S100A7: variants seen among roughly 807,000 people sequenced by gnomAD.
The protein encoded by S100A7 is S100 calcium binding protein A7.
Under a neutral mutation model 3.8 loss-of-function variants are expected in S100A7, and 2 were observed. The observed-to-expected ratio is 0.53, with a 90% confidence interval of 0.22 to 1.67. The LOEUF is 1.67. S100A7 is among the 40% of genes most tolerant of loss of function. S100A7 has a pLI of 0.20. For synonymous variants in S100A7, 55 were observed against 45.9 expected (o/e 1.20, Z -0.80); for missense variants, 130 against 126.3 (o/e 1.03, Z -0.14).
chr1:153,460,575 T>A (rs1663804628), intron 1 of S100A7, 33 bp downstream of exon 1: 8 of 837,920 alleles, frequency 9.5e-6, no homozygotes, highest in Non-Finnish European at 1.4e-5. Flanking sequence ...ACTGGGCACT[T>A]CTAGAAAACG....
intron 1 of S100A7, among the ~76,000 whole-genome samples, chr1:153,460,374 G>A (rs1663800408): frequency 1.3e-5 from 2 of 152,234 alleles, no homozygotes; most frequent in Non-Finnish European, 2.9e-5. Flanking sequence ...CATTTCCACA[G>A]GAGTTGCCTC....
Position 153,458,085 on chromosome 1 carries a change from T to C in S100A7, c.142-115A>G, listed in dbSNP as rs1663731830. The C allele has an allele frequency of 2.5e-6, 3 of 1,217,346 alleles. No homozygotes were observed. The Admixed American group carries it at 6.3e-5, about 26-fold the overall frequency. 75.4% of individuals were successfully genotyped at this position (1,217,346 alleles called of 1,614,324 possible). On this transcript the variant is annotated intron_variant, in intron 2 of 2. Coordinates refer to ENST00000368723, the MANE Select transcript of S100A7 (RefSeq NM_002963.4). ...AGTACCTAGATCTGCACAGGCATGG[T>C]GGCGGGGCTGAGAGCACAGGGTGAG...
chr1:153,459,483 G>A (rs563436915), intron 1 of S100A7, among the ~76,000 whole-genome samples: 5 of 152,216 alleles, frequency 3.3e-5, no homozygotes, highest in Admixed American at 6.5e-5. Flanking sequence ...GACCCTCCTC[G>A]GCTGCTTCAG....
chr1:153,458,645 C>T (rs541585685), intron 2 of S100A7, among the ~76,000 whole-genome samples: 14 of 152,268 alleles, frequency 9.2e-5, no homozygotes, highest in African/African-American at 2.4e-4. Context: ...CTGTGCACTG[C>T]CCTCAAGCTG....
Position 153,458,942 on chromosome 1 carries a change from A to G in S100A7, c.72T>C (p.Asp24=), listed in dbSNP as rs565621585. Residue 24 remains aspartate, a synonymous_variant, in exon 2 of 3, where the codon GAT becomes GAC. Coordinates refer to ENST00000368723, the MANE Select transcript of S100A7 (RefSeq NM_002963.4). ...IDMFHKYTRR[D]DKIEKPSLLT... is the part of the protein sequence containing the mutation. ...GCAGGCTTGGCTTCTCAATCTTGTC[A>G]TCACGTCTGGTGTATTTGTGAAACA... 18 of 1,614,038 alleles carry G rather than the reference A, an allele frequency of 1.1e-5. No individual in the cohort carries two copies. In the Admixed American group the frequency reaches 2.2e-4, roughly 19 times the overall value.
chr1:153,460,266 G>A (rs1157689336), intron 1 of S100A7, among the ~76,000 whole-genome samples: 2 of 152,202 alleles, frequency 1.3e-5, no homozygotes, highest in Non-Finnish European at 2.9e-5. Flanking sequence ...TGTGGAGCTG[G>A]AGCTGGGGAG....
Position 153,457,959 on chromosome 1 carries a change from G to T in S100A7, c.153C>A (p.Gly51=). The change falls in exon 3 of 3, where the codon GGC becomes GGA. Residue 51 remains glycine, a synonymous_variant. Transcript: ENST00000368723. ...CAAAGACATCGGCGAGGTAATTTGT[G>T]CCCTTTTTGTCCTGTGAAGAGAAAA... ...PNFLSACDKK[G]TNYLADVFEK... 6.2e-7 allele frequency: 1 copy of T among 1,614,044 alleles called. No homozygotes were observed. The highest frequency in any genetic ancestry group is 8.5e-7 in the Non-Finnish European group (1 of 1,179,982).
chr1:153,460,545 G>A (rs957609623), intron 1 of S100A7, 63 bp downstream of exon 1: 4 of 718,220 alleles, frequency 5.6e-6, no homozygotes, highest in South Asian at 4.4e-5. Context: ...CCTTCCTACA[G>A]GCAGCATGGC....
intron 2 of S100A7, 109 bp from the exon 3 acceptor site, chr1:153,458,079 G>A (rs1361340513): frequency 3.1e-5 from 39 of 1,266,522 alleles, no homozygotes; most frequent in Non-Finnish European, 4.2e-5. Context: ...ATCTGCACAG[G>A]CATGGTGGCG....
chr1:153,458,925 G>T lies in S100A7; in HGVS notation c.89C>A (p.Pro30Gln). Residue 30 changes from proline to glutamine, a missense_variant, in exon 2 of 3, where the codon CCA becomes CAA. Pro to Gln is a moderately conservative substitution (Grantham distance 76). Coordinates refer to ENST00000368723, the MANE Select transcript of S100A7 (RefSeq NM_002963.4). ...YTRRDDKIEKPSLLTMMKENF... is the reference protein window; with the variant it reads ...YTRRDDKIEKQSLLTMMKENF... ...CTCCTTCATCATCGTCAGCAGGCTT[G>T]GCTTCTCAATCTTGTCATCACGTCT... 6.2e-7 allele frequency: 1 copy of T among 1,613,986 alleles called. No homozygotes were observed.
At position 153,458,908 on chromosome 1, in the gene S100A7, T is replaced by C. The variant is rs375279178; in HGVS notation, c.106A>G (p.Met36Val). Residue 36 changes from methionine (M) to valine (V), a missense_variant, in exon 2 of 3, where the codon ATG becomes GTG. Physicochemically the swap from Met to Val is conservative, Grantham distance 21. Coordinates refer to ENST00000368723, the MANE Select transcript of S100A7 (RefSeq NM_002963.4). ...KIEKPSLLTM[M>V]KENFPNFLSA... ...AGGAAGTTGGGGAAGTTCTCCTTCA[T>C]CATCGTCAGCAGGCTTGGCTTCTCA... The C allele has an allele frequency of 8.1e-6, 13 of 1,613,874 alleles. No individual in the cohort carries two copies. Among genetic ancestry groups the C allele is most frequent in the African/African-American group, 1.3e-5 (1 of 74,914 alleles).
rs12217109 is a variant in S100A7 at position 153,460,592 on chromosome 1, G to A, written c.-18+16C>T. 0.1 allele frequency: 99,640 copies of A among 985,080 alleles called. 5,383 individuals are homozygous for A. Among genetic ancestry groups the A allele is most frequent in the East Asian group, 0.17 (6,399 of 38,046 alleles). The allele number at this position is 985,080 out of a possible 1,614,324, so 61.0% of individuals were successfully genotyped here. A position where few individuals can be genotyped will look rare whatever the true frequency, so the allele number is the denominator to read the frequency against. On this transcript the variant is annotated intron_variant, in intron 1 of 2. Transcript: ENST00000368723. ...TGGGCACTTCTAGAAAACGCAAAGAGGCAGGTGAGACTTACCAGAGCTGGG... is the reference window on the plus strand; with the variant it reads ...TGGGCACTTCTAGAAAACGCAAAGAAGCAGGTGAGACTTACCAGAGCTGGG...
At chr1:153,458,771 T>A in intron 2 of S100A7, 102 bp downstream of exon 2, 1 of 1,421,398 alleles carries the variant, frequency 7.0e-7, no homozygotes, top group East Asian at 2.3e-5. Context: ...TAAAGCCCTA[T>A]TTGCAAATGG....
intron 2 of S100A7, among the ~76,000 whole-genome samples, 192 bp from the exon 3 acceptor site, chr1:153,458,162 A>G (rs1663733266): frequency 6.6e-6 from 1 of 151,772 alleles, no homozygotes; most frequent in Non-Finnish European, 1.5e-5. Context: ...TTCTCTAGGG[A>G]GTCTTTTTGT....
chr1:153,458,874 C>T lies in S100A7; in HGVS notation c.140G>A (p.Cys47Tyr). The T allele has an allele frequency of 6.2e-7, 1 of 1,613,874 alleles. No homozygotes were observed. The highest frequency in any genetic ancestry group is 1.3e-5 in the African/African-American group (1 of 75,034). ...KENFPNFLSA[C>Y]DKKGTNYLAD... ...TTGAGAAGCTAGACACCGACTCACA[C>T]AGGCACTAAGGAAGTTGGGGAAGTT... The change falls in exon 2 of 3, where the codon TGT (cysteine) becomes TAT (tyrosine). Residue 47 changes from cysteine to tyrosine, a missense_variant and splice_region_variant. Transcript: ENST00000368723.
At position 153,457,834 on chromosome 1, in the gene S100A7, G is replaced by C. The variant is rs765678757; in HGVS notation, c.278C>G (p.Ala93Gly). Residue 93 changes from alanine (A) to glycine (G), a missense_variant, in exon 3 of 3, where the codon GCA becomes GGA. Coordinates refer to ENST00000368723, the MANE Select transcript of S100A7 (RefSeq NM_002963.4). ...ATDYHKQSHG[A>G]APCSGGSQ Reference sequence around the variant, plus strand: ...CTGGCTGCCCCCGGAACAGGGCGCTGCTCCATGGCTCTGCTTGTGGTAGTC... The same window carrying C: ...CTGGCTGCCCCCGGAACAGGGCGCTCCTCCATGGCTCTGCTTGTGGTAGTC... The C allele has an allele frequency of 9.9e-6, 16 of 1,614,070 alleles. No homozygotes were observed. The South Asian group carries it at 1.2e-4, about 12-fold the overall frequency.
At position 153,458,980 on chromosome 1, in the gene S100A7, C is replaced by T. The variant is rs1663754879; in HGVS notation, c.34G>A (p.Gly12Ser). 6.2e-7 allele frequency: 1 copy of T among 1,613,910 alleles called. No individual in the cohort carries two copies. Among genetic ancestry groups the T allele is most frequent in the African/African-American group, 1.3e-5 (1 of 74,906 alleles). Reference sequence around the variant, plus strand: ...TATTTGTGAAACATGTCGATCATGCCTATTATGGACCTCTCAGCTTGAGTG... The same window carrying T: ...TATTTGTGAAACATGTCGATCATGCTTATTATGGACCTCTCAGCTTGAGTG... Reference protein sequence around the residue: ...SNTQAERSIIGMIDMFHKYTR... With the variant: ...SNTQAERSIISMIDMFHKYTR... Residue 12 changes from glycine to serine, a missense_variant, in exon 2 of 3, where the codon GGC becomes AGC. Coordinates refer to ENST00000368723, the MANE Select transcript of S100A7 (RefSeq NM_002963.4).
rs766544046 is a variant in S100A7 at position 153,459,315 on chromosome 1, C to T, written c.-17-285G>A. 5.3e-5 allele frequency among the ~76,000 whole-genome samples: 8 copies of T among 152,232 alleles called. No homozygotes were observed. The South Asian group carries it at 6.2e-4, about 12-fold the overall frequency. On this transcript the variant is annotated intron_variant, in intron 1 of 2. Transcript: ENST00000368723. ...AGAGGGAGAAGCAGGGAGAGTCGGGCGCCAGCAACACATGGAAGAACTAAG... is the reference window on the plus strand; with the variant it reads ...AGAGGGAGAAGCAGGGAGAGTCGGGTGCCAGCAACACATGGAAGAACTAAG...
At chr1:153,459,147 G>T (rs567853469) in intron 1 of S100A7, 117 bp from the exon 2 acceptor site, 8 of 1,294,720 alleles carry the variant, frequency 6.2e-6, no homozygotes, top group African/African-American at 3.0e-5. Context: ...GTAGCAGAAC[G>T]AACTCAATTT....
Sources: gnomAD v4.1 joint callset for allele counts (sites outside exome capture counted in the v4.1 genomes callset) on GRCh38, gnomAD v4.1.1 for gene constraint, MANE v1.5 for transcripts, NCBI Gene and HGNC (gene_info 2026-07-23, HGNC 2026-07-21) for gene names.